Variants in SPATA22 observed in about 807,000 individuals in gnomAD.
SPATA22 encodes the protein spermatogenesis-associated protein 22.
A neutral mutation model predicts 47.8 loss-of-function variants in SPATA22; 29 were observed. That is an observed-to-expected ratio of 0.61 (90% CI 0.45 to 0.83). SPATA22 has a LOEUF of 0.83. Ranked by LOEUF, SPATA22 falls within the 40% of genes least tolerant of loss-of-function variation. The pLI is 0.00. For missense variants in SPATA22, 410 were observed against 421.7 expected (o/e 0.97, Z 0.24); for synonymous variants, 133 against 140.9 (o/e 0.94, Z 0.40).
intron 1 of SPATA22, among the ~76,000 whole-genome samples, chr17:3,486,434 C>A (rs1353834419): frequency 2.0e-5 from 3 of 152,162 alleles, no homozygotes; most frequent in Non-Finnish European, 4.4e-5. Context: ...ATCCCTCTTA[C>A]CACCTGCTTT....
chr17:3,467,988 A>G (rs1313156591), intron 2 of SPATA22, among the ~76,000 whole-genome samples: 3 of 152,156 alleles, frequency 2.0e-5, no homozygotes, highest in African/African-American at 7.2e-5. Flanking sequence ...TTGGTTCTCA[A>G]AGTTTCATTG....
chr17:3,456,564 C>T (rs2150713526), intron 5 of SPATA22, among the ~76,000 whole-genome samples: 1 of 152,178 alleles, frequency 6.6e-6, no homozygotes, highest in African/African-American at 2.4e-5. Context: ...CAATAGCTTA[C>T]CAATGAAAAA....
intron 1 of SPATA22, chr17:3,501,051 G>C (rs139171932): frequency 1.3e-5 from 2 of 152,052 alleles, no homozygotes; most frequent in Non-Finnish European, 1.5e-5. Flanking sequence ...CATTGTTTTC[G>C]CGCCTGCTAC....
chr17:3,446,019 A>G (rs1422055050), intron 7 of SPATA22, among the ~76,000 whole-genome samples: 1 of 152,044 alleles, frequency 6.6e-6, no homozygotes, highest in Non-Finnish European at 1.5e-5. Context: ...AATTTTTCCA[A>G]CTTCTCAAAG....
chr17:3,448,742 TC>T, intron 6 of SPATA22, 64 bp downstream of exon 6: 1 of 1,216,174 alleles, frequency 8.2e-7, no homozygotes, highest in Middle Eastern at 2.3e-4. Context: ...TCTGTAGTTT[TC>T]TAAATATTTA....
intron 1 of SPATA22, among the ~76,000 whole-genome samples, chr17:3,508,897 T>TAAAAA (rs59201485): frequency 1.2e-4 from 13 of 112,988 alleles, no homozygotes; most frequent in African/African-American, 2.2e-4. Flanking sequence ...GCTTAAAGTA[T>TAAAAA]AAAAAAAAAA....
intron 1 of SPATA22, among the ~76,000 whole-genome samples, chr17:3,470,559 C>T (rs1597415060): frequency 6.6e-6 from 1 of 151,332 alleles, no homozygotes; most frequent in East Asian, 2.0e-4. Flanking sequence ...ACCATCCTGG[C>T]TAACAGAGGG....
At chr17:3,471,085 G>A (rs2073422613) in intron 1 of SPATA22, among the ~76,000 whole-genome samples, 1 of 151,972 alleles carries the variant, frequency 6.6e-6, no homozygotes, top group South Asian at 2.1e-4. Flanking sequence ...AACCCGGGAG[G>A]CGGAGGTTGC....
intron 1 of SPATA22, among the ~76,000 whole-genome samples, chr17:3,506,532 G>A (rs189949799): frequency 6.6e-6 from 1 of 152,166 alleles, no homozygotes; most frequent in South Asian, 2.1e-4. Context: ...ACAGAAAAAC[G>A]TCATTTTTAG....
chr17:3,460,229 T>C (rs895129565), intron 5 of SPATA22, among the ~76,000 whole-genome samples: 18 of 152,158 alleles, frequency 1.2e-4, no homozygotes, highest in Admixed American at 1.0e-3. Context: ...AGATATCATC[T>C]AGTTCAATTT....
chr17:3,452,465 G>A (rs1376926140), intron 5 of SPATA22, among the ~76,000 whole-genome samples: 2 of 151,778 alleles, frequency 1.3e-5, no homozygotes, highest in Non-Finnish European at 2.9e-5. Context: ...GGTGGGGCAG[G>A]CCTGTAGTCC....
rs753906820 is a variant in SPATA22 at position 3,462,702 on chromosome 17, C to T, written c.233+5G>A. 23 of 1,610,978 alleles carry T rather than the reference C, an allele frequency of 1.4e-5. No homozygotes were observed. The highest frequency in any genetic ancestry group is 1.9e-5 in the Non-Finnish European group (22 of 1,177,246). On this transcript the variant is annotated splice_donor_5th_base_variant and intron_variant, in intron 4 of 8. Transcript: ENST00000572969. ...ACATCCAATGGTTTATATTTCTCCA[C>T]ATACCCGGTGTCCACTGTTTTCATT...
chr17:3,473,249 G>A (rs1164936660), upstream of SPATA22, among the ~76,000 whole-genome samples: 4 of 152,062 alleles, frequency 2.6e-5, no homozygotes, highest in African/African-American at 7.3e-5. Flanking sequence ...TTTCCACCTG[G>A]AAAGTTGGTC....
At chr17:3,464,654 C>T (rs1371882883) in intron 3 of SPATA22, among the ~76,000 whole-genome samples, 27 of 143,510 alleles carry the variant, frequency 1.9e-4, no homozygotes, top group Admixed American at 5.5e-4. Flanking sequence ...ATGTGAGGAG[C>T]GCCTCTGCCC....
Position 3,488,763 on chromosome 17 carries a change from T to C in SPATA22, c.-73-19365A>G, listed in dbSNP as rs536934399. Among the ~76,000 whole-genome samples the C allele has an allele frequency of 6.6e-6, 1 of 152,352 alleles. No individual in the cohort carries two copies. The highest frequency in any genetic ancestry group is 2.1e-4 in the South Asian group (1 of 4,832). On this transcript the variant is annotated intron_variant, in intron 1 of 8. Transcript: ENST00000541913. This position sits in a 1 kb window ranked among gnomAD's most constrained non-coding sequence, Gnocchi z 6.1. ...GGGTCACATAGATTGTCATATTGAC[T>C]GAAATCCATGATTCATCTAGTCTGG...
intron 8 of SPATA22, chr17:3,441,411 T>C (rs1567590170): frequency 6.6e-6 from 1 of 151,988 alleles, no homozygotes; most frequent in African/African-American, 2.4e-5. Context: ...TATGAAAAGG[T>C]ACTCAACCTC....
Position 3,485,351 on chromosome 17 carries a change from T to C in SPATA22, c.-73-15953A>G, listed in dbSNP as rs2073700510. 6.6e-6 allele frequency among the ~76,000 whole-genome samples: 1 copy of C among 152,134 alleles called. No homozygotes were observed. The highest frequency in any genetic ancestry group is 2.1e-4 in the South Asian group (1 of 4,820). ...ATCACACCTATCCCACACAGACTTA[T>C]ACAAACTTATCCATTCCTTCCCATG... is the stretch of plus-strand genomic sequence containing the variant. On this transcript the variant is annotated intron_variant, in intron 1 of 8. Coordinates refer to the SPATA22 transcript ENST00000541913. The surrounding 1 kb of genome is among the most constrained non-coding windows in gnomAD (Gnocchi z 4.4).
At chr17:3,511,738 T>C (rs986089279) in intron 1 of SPATA22, 1 of 152,232 alleles carries the variant, frequency 6.6e-6, no homozygotes, top group Non-Finnish European at 1.5e-5. Flanking sequence ...GCTGGCAGGT[T>C]AGGCAAATAG....
chr17:3,455,452 C>T (rs1331354750), intron 5 of SPATA22, among the ~76,000 whole-genome samples: 9 of 148,718 alleles, frequency 6.1e-5, no homozygotes, highest in Non-Finnish European at 4.5e-5. Flanking sequence ...GTCTTTAATC[C>T]ATCTTGAATT....
Sources: gnomAD v4.1 joint callset for allele counts (sites outside exome capture counted in the v4.1 genomes callset) on GRCh38, gnomAD v4.1.1 for gene constraint, Gnocchi (gnomAD v3.1) non-coding constraint, MANE v1.5 for transcripts, NCBI Gene and HGNC (gene_info 2026-07-23, HGNC 2026-07-21) for gene names.